CDH18: variants seen among roughly 807,000 people sequenced by gnomAD.
The protein encoded by CDH18 is cadherin 18, also known as cadherin-18.
CDH18 carries 31 observed loss-of-function variants against 67.9 expected under a neutral mutation model. That is an observed-to-expected ratio of 0.46 (90% CI 0.34 to 0.62). The LOEUF is 0.62. CDH18 is among the 20% of genes least tolerant of loss of function. CDH18 has a pLI of 0.01. For synonymous variants in CDH18, 362 were observed against 347.2 expected (o/e 1.04, Z -0.48); for missense variants, 890 against 975.5 (o/e 0.91, Z 1.17).
intron 9 of CDH18, among the ~76,000 whole-genome samples, chr5:19,529,450 C>A (rs1174107735): frequency 6.6e-6 from 1 of 151,828 alleles, no homozygotes; most frequent in African/African-American, 2.4e-5. Flanking sequence ...AGAACTTCTC[C>A]TGAACACTAT....
intron 1 of CDH18, among the ~76,000 whole-genome samples, chr5:20,277,300 G>C (rs1745885140): frequency 6.6e-6 from 1 of 152,060 alleles, no homozygotes; most frequent in Non-Finnish European, 1.5e-5. Flanking sequence ...AGGCAACTCA[G>C]CACAGAGAGA....
chr5:20,209,438 T>C (rs536341647), intron 2 of CDH18, among the ~76,000 whole-genome samples: 3 of 152,204 alleles, frequency 2.0e-5, no homozygotes, highest in Admixed American at 2.0e-4. Context: ...TGAAATCCTG[T>C]CATTTGCAGC....
At chr5:20,408,975 CAAAG>C (rs1401406195) in intron 1 of CDH18, among the ~76,000 whole-genome samples, 1 of 151,584 alleles carries the variant, frequency 6.6e-6, no homozygotes, top group Non-Finnish European at 1.5e-5. Flanking sequence ...CTGCAAGAGA[CAAAG>C]AAGGACATTA....
At chr5:19,691,725 T>C (rs1228641432) in intron 5 of CDH18, among the ~76,000 whole-genome samples, 2 of 151,760 alleles carry the variant, frequency 1.3e-5, no homozygotes, top group Non-Finnish European at 3.0e-5. Context: ...AAATACATTA[T>C]AGTAGACACA....
Position 20,501,080 on chromosome 5 carries a change from T to G in CDH18, c.-580+74382A>C, listed in dbSNP as rs1476083331. ...AGTCACTCTGTCTTAAATGTGAGCA[T>G]GACATCACACAGCAAATAAAATGTC... is the stretch of plus-strand genomic sequence containing the variant. On this transcript the variant is annotated intron_variant, in intron 1 of 14. Transcript: ENST00000507958. 2.0e-5 allele frequency among the ~76,000 whole-genome samples: 3 copies of G among 152,148 alleles called. No individual in the cohort carries two copies. In the South Asian group the frequency reaches 6.2e-4, roughly 31 times the overall value.
At chr5:19,619,879 T>C (rs1296744111) in intron 5 of CDH18, among the ~76,000 whole-genome samples, 1 of 152,164 alleles carries the variant, frequency 6.6e-6, no homozygotes, top group Non-Finnish European at 1.5e-5. Flanking sequence ...ATTTTACTTA[T>C]AAAGAAAAAT....
intron 5 of CDH18, among the ~76,000 whole-genome samples, chr5:19,659,056 C>T (rs917269831): frequency 2.0e-5 from 3 of 152,006 alleles, no homozygotes; most frequent in African/African-American, 7.2e-5. Flanking sequence ...AGGACAAAAA[C>T]CCAAACACTG....
At chr5:20,274,806 C>T (rs1342763623) in intron 1 of CDH18, among the ~76,000 whole-genome samples, 2 of 152,020 alleles carry the variant, frequency 1.3e-5, no homozygotes, top group Non-Finnish European at 2.9e-5. Flanking sequence ...CTTTTTTATA[C>T]TTTATAGAAA....
At chr5:20,468,917 C>T (rs1464574219) in intron 1 of CDH18, among the ~76,000 whole-genome samples, 3 of 152,178 alleles carry the variant, frequency 2.0e-5, no homozygotes, top group Non-Finnish European at 4.4e-5. Context: ...TGCATTAAAA[C>T]TTCTGCTAGA....
chr5:19,873,204 GA>G (rs5866404), intron 2 of CDH18, among the ~76,000 whole-genome samples: 3,097 of 133,618 alleles, frequency 0.023, 86 homozygotes, highest in African/African-American at 0.074. Context: ...TATCTTCTGA[GA>G]AAAAAAAAAA....
chr5:20,544,493 G>A (rs1354660211), intron 1 of CDH18, among the ~76,000 whole-genome samples: 1 of 152,074 alleles, frequency 6.6e-6, no homozygotes, highest in African/African-American at 2.4e-5. Context: ...AGTTCCATAT[G>A]GCTGGAGAGG....
At chr5:19,475,311 A>G (rs1738263005) in intron 12 of CDH18, among the ~76,000 whole-genome samples, 1 of 151,956 alleles carries the variant, frequency 6.6e-6, no homozygotes, top group African/African-American at 2.4e-5. Flanking sequence ...CACATAATTT[A>G]GTAAACATTA....
rs554256723 is a variant in CDH18 at position 20,562,781 on chromosome 5, G to A, written c.-580+12681C>T. 7.9e-5 allele frequency among the ~76,000 whole-genome samples: 12 copies of A among 151,852 alleles called. No individual in the cohort carries two copies. In the East Asian group the frequency reaches 2.3e-3, roughly 29 times the overall value. On this transcript the variant is annotated intron_variant, in intron 1 of 14. Coordinates refer to the CDH18 transcript ENST00000507958. ...ATGTAAAATTAAAACAATATGAAAA[G>A]GCATAGCATTTAATAGGAACAATTA...
chr5:19,556,274 ATC>A (rs1161125914), intron 8 of CDH18, among the ~76,000 whole-genome samples: 1 of 152,214 alleles, frequency 6.6e-6, no homozygotes, highest in Non-Finnish European at 1.5e-5. Context: ...CCAAGACTAA[ATC>A]TCTGAATTGC....
chr5:19,948,070 C>T (rs180915158), intron 2 of CDH18, among the ~76,000 whole-genome samples: 5 of 152,136 alleles, frequency 3.3e-5, no homozygotes, highest in Admixed American at 6.5e-5. Context: ...AAATTAAGTC[C>T]ATAATGCAGT....
chr5:19,635,022 C>T (rs1277984948), intron 5 of CDH18, among the ~76,000 whole-genome samples: 1 of 151,750 alleles, frequency 6.6e-6, no homozygotes, highest in African/African-American at 2.4e-5. Flanking sequence ...TACCAAATTT[C>T]CTAACATAAC....
Position 20,352,876 on chromosome 5 carries a change from G to A in CDH18, c.-579-97371C>T, listed in dbSNP as rs184412172. ...TGATTTATACTTTTTTATTGTTTAGGCATTTTTCTTGCTAGATATCCTCAT... is the reference window on the plus strand; with the variant it reads ...TGATTTATACTTTTTTATTGTTTAGACATTTTTCTTGCTAGATATCCTCAT... On this transcript the variant is annotated intron_variant, in intron 1 of 14. Transcript: ENST00000507958. Among the ~76,000 whole-genome samples the A allele has an allele frequency of 7.9e-5, 12 of 151,862 alleles. No individual in the cohort carries two copies. In the East Asian group the frequency reaches 2.1e-3, roughly 27 times the overall value.
At chr5:20,193,234 TA>T (rs1350485895) in intron 2 of CDH18, among the ~76,000 whole-genome samples, 2 of 151,930 alleles carry the variant, frequency 1.3e-5, no homozygotes, top group Non-Finnish European at 2.9e-5. Flanking sequence ...ATAAACACAT[TA>T]AAAAATGATA....
intron 2 of CDH18, among the ~76,000 whole-genome samples, chr5:20,109,002 C>T (rs1258838253): frequency 6.6e-6 from 1 of 152,174 alleles, no homozygotes; most frequent in African/African-American, 2.4e-5. Context: ...TGAGTGTTAG[C>T]TGTTATGAAT....
Sources: gnomAD v4.1 joint callset for allele counts (sites outside exome capture counted in the v4.1 genomes callset) on GRCh38, gnomAD v4.1.1 for gene constraint, MANE v1.5 for transcripts, NCBI Gene and HGNC (gene_info 2026-07-23, HGNC 2026-07-21) for gene names.